Variants in GALNT10 observed in about 807,000 individuals in gnomAD.
GALNT10 encodes GalNAc transferase 10.
A neutral mutation model predicts 75.0 loss-of-function variants in GALNT10; 41 were observed. The ratio of observed to expected loss-of-function variants is 0.55; its 90% confidence interval spans 0.43 to 0.71. GALNT10 has a LOEUF of 0.71. GALNT10 is among the 30% of genes least tolerant of loss of function. The pLI is 0.00. For missense variants in GALNT10, 727 were observed against 818.5 expected, an observed-to-expected ratio of 0.89 and a Z score of 1.36; for synonymous variants, 302 against 313.0, an observed-to-expected ratio of 0.96 and a Z score of 0.37.
Position 154,352,590 on chromosome 5 carries a change from G to A in GALNT10, c.568+22852G>A, listed in dbSNP as rs1488520986. On this transcript the variant is annotated intron_variant, in intron 4 of 11. Coordinates refer to ENST00000297107, the MANE Select transcript of GALNT10 (RefSeq NM_198321.4). This position sits in a 1 kb window ranked among gnomAD's most constrained non-coding sequence, Gnocchi z 4.4. The stretch of plus-strand genomic sequence containing the variant: ...AGCTGGGAGCTTCCCTGGGCTGGGT[G>A]GGCCCCAGGTACCTACCACTGCTTT... Among the ~76,000 whole-genome samples, 2 of 152,176 alleles carry A rather than the reference G, an allele frequency of 1.3e-5. No homozygotes were observed. The highest frequency in any genetic ancestry group is 6.5e-5 in the Admixed American group (1 of 15,272).
chr5:154,333,792 C>T (rs1310869315), intron 4 of GALNT10, among the ~76,000 whole-genome samples: 1 of 152,192 alleles, frequency 6.6e-6, no homozygotes, highest in Non-Finnish European at 1.5e-5. Context: ...ATTAGGCACC[C>T]AGCCCAGAGG....
intron 1 of GALNT10, among the ~76,000 whole-genome samples, chr5:154,273,687 T>C (rs1272203173): frequency 6.6e-6 from 1 of 152,202 alleles, no homozygotes; most frequent in Non-Finnish European, 1.5e-5. Context: ...ATTTTTATTT[T>C]TCATTGTACC....
chr5:154,377,573 G>A (rs1370525188), intron 5 of GALNT10, among the ~76,000 whole-genome samples: 1 of 152,210 alleles, frequency 6.6e-6, no homozygotes, highest in Non-Finnish European at 1.5e-5. Context: ...TGATGCCAGT[G>A]TTGCTGGTCC....
intron 1 of GALNT10, among the ~76,000 whole-genome samples, chr5:154,279,002 A>G (rs1753995128): frequency 6.6e-6 from 1 of 152,200 alleles, no homozygotes; most frequent in African/African-American, 2.4e-5. Context: ...TGTGACTATT[A>G]TGAACATTGG....
chr5:154,407,004 G>A (rs1441507478), intron 8 of GALNT10, among the ~76,000 whole-genome samples: 1 of 152,174 alleles, frequency 6.6e-6, no homozygotes, highest in Non-Finnish European at 1.5e-5. Context: ...AGGATGAGCT[G>A]TCCACCAGCT....
chr5:154,219,910 G>C (rs1752949905), intron 1 of GALNT10: 2 of 148,594 alleles, frequency 1.3e-5, no homozygotes, highest in African/African-American at 2.5e-5. Flanking sequence ...GAGATGACAT[G>C]AACACCCAAT....
intron 3 of GALNT10, among the ~76,000 whole-genome samples, chr5:154,310,393 GA>G (rs1581967507): frequency 6.6e-6 from 1 of 151,840 alleles, no homozygotes; most frequent in Non-Finnish European, 1.5e-5. Flanking sequence ...GCTGGGAAAG[GA>G]AAAAATCTAG....
intron 1 of GALNT10, among the ~76,000 whole-genome samples, chr5:154,259,610 A>G (rs759708432): frequency 2.0e-5 from 3 of 152,174 alleles, no homozygotes; most frequent in Non-Finnish European, 4.4e-5. Context: ...GACATGAGAC[A>G]GGGCAGCAGC....
rs576333088 is a variant in GALNT10, at chr5:154,196,980, G to A, written c.159+5955G>A. On this transcript the variant is annotated intron_variant, in intron 1 of 11. Coordinates refer to ENST00000297107, the MANE Select transcript of GALNT10 (RefSeq NM_198321.4). The stretch of plus-strand genomic sequence containing the variant: ...CAGGCAGTAATCACTCCTTGGGGAT[G>A]AGATTTGGTCCTGGAGAGAAAACCC... Among the ~76,000 whole-genome samples the A allele has an allele frequency of 3.3e-5, 5 of 152,276 alleles. No homozygotes were observed. The South Asian group carries it at 1.0e-3, about 32-fold the overall frequency.
chr5:154,316,323 C>T (rs977509549), intron 3 of GALNT10, among the ~76,000 whole-genome samples: 3 of 152,230 alleles, frequency 2.0e-5, no homozygotes, highest in African/African-American at 7.2e-5. Flanking sequence ...GTCCACCTCC[C>T]AGCTGGCCAC....
chr5:154,233,621 A>G (rs577021489), intron 1 of GALNT10, among the ~76,000 whole-genome samples: 1 of 152,224 alleles, frequency 6.6e-6, no homozygotes, highest in East Asian at 1.9e-4. Context: ...AGCACCCCCC[A>G]CCAGCCGCCC....
At position 154,386,341 on chromosome 5, in the gene GALNT10, G is replaced by A. The variant is rs139262954; in HGVS notation, c.967G>A (p.Ala323Thr). ...ESPVMAGGLF[A>T]VDRKWFWELG... is the part of the protein sequence containing the mutation. ...TCCCGTGATGGCCGGTGGACTGTTC[G>A]CCGTGGATCGGAAGTGGTTCTGGGA... The change falls in exon 7 of 12, where the codon GCC becomes ACC. Residue 323 changes from alanine to threonine, a missense_variant. Coordinates refer to ENST00000297107, the MANE Select transcript of GALNT10 (RefSeq NM_198321.4). The A allele has an allele frequency of 1.9e-4, 314 of 1,613,906 alleles. No individual in the cohort carries two copies. Among genetic ancestry groups the A allele is most frequent in the Non-Finnish European group, 2.5e-4 (299 of 1,179,946 alleles).
Position 154,416,834 on chromosome 5 carries a change from T to G in GALNT10, c.1674T>G (p.Pro558=). Residue 558 remains proline (P), a synonymous_variant, in exon 12 of 12, where the codon CCT becomes CCG. Transcript: ENST00000297107. This position sits in a 1 kb window ranked among gnomAD's most constrained non-coding sequence, Gnocchi z 4.5. The stretch of plus-strand genomic sequence containing the variant: ...TGTAGGACAAGACCCTGTACCACCC[T>G]GTCAGTGGCAGCTGCATGGACTGCA... The part of the protein sequence containing the change: ...KYRKDKTLYH[P]VSGSCMDCSE... The G allele has an allele frequency of 6.2e-7, 1 of 1,613,546 alleles. No individual in the cohort carries two copies. The highest frequency in any genetic ancestry group is 1.1e-5 in the South Asian group (1 of 91,066).
intron 2 of GALNT10, among the ~76,000 whole-genome samples, chr5:154,295,969 G>A (rs1212969757): frequency 6.6e-6 from 1 of 152,162 alleles, no homozygotes; most frequent in African/African-American, 2.4e-5. Context: ...GACAAAACCA[G>A]CTTACCACAA....
intron 4 of GALNT10, among the ~76,000 whole-genome samples, chr5:154,343,921 G>C (rs1755077793): frequency 6.6e-6 from 1 of 152,188 alleles, no homozygotes; most frequent in Admixed American, 6.5e-5. Context: ...CTTTAGTTCA[G>C]AATACTCACT....
rs183239678 is a variant in GALNT10, at chr5:154,330,045, T to C, written c.568+307T>C. On this transcript the variant is annotated intron_variant, in intron 4 of 11. Transcript: ENST00000297107. ...CATTCACTTATCTGTCTCTATCTATTTATTAAATATTGCATAACAAGAGAT... is the reference window on the plus strand; with the variant it reads ...CATTCACTTATCTGTCTCTATCTATCTATTAAATATTGCATAACAAGAGAT... The C allele has an allele frequency of 1.9e-3, 383 of 204,320 alleles. 1 individual carries two copies. Among genetic ancestry groups the C allele is most frequent in the African/African-American group, 7.9e-3 (348 of 43,956 alleles). 12.7% of individuals were successfully genotyped at this position (204,320 alleles called of 1,614,324 possible). A position where few individuals can be genotyped will look rare whatever the true frequency, so the allele number is the denominator to read the frequency against.
chr5:154,372,954 C>T (rs1476680759), intron 4 of GALNT10, among the ~76,000 whole-genome samples: 1 of 152,124 alleles, frequency 6.6e-6, no homozygotes, highest in Admixed American at 6.5e-5. Flanking sequence ...TATTGGATGG[C>T]TCTGAGTCAT....
chr5:154,240,485 T>C (rs899992507), intron 1 of GALNT10, among the ~76,000 whole-genome samples: 3 of 152,178 alleles, frequency 2.0e-5, no homozygotes, highest in Admixed American at 6.5e-5. Flanking sequence ...TTCTCAGTCA[T>C]TGGTCTTAGA....
At chr5:154,212,966 TC>T (rs142600169) in intron 1 of GALNT10, among the ~76,000 whole-genome samples, 67,498 of 145,548 alleles carry the variant, frequency 0.46, 15,724 homozygotes, top group African/African-American at 0.53. Flanking sequence ...AGATTCCATC[TC>T]AAAAAAAAAA....
Sources: gnomAD v4.1 joint callset for allele counts (sites outside exome capture counted in the v4.1 genomes callset) on GRCh38, gnomAD v4.1.1 for gene constraint, Gnocchi (gnomAD v3.1) non-coding constraint, MANE v1.5 for transcripts, NCBI Gene and HGNC (gene_info 2026-07-23, HGNC 2026-07-21) for gene names.